The following PPEF1 variants were observed in gnomAD, a reference collection of about 807,000 sequenced individuals.
PPEF1 encodes protein phosphatase with EF-hand domain 1, also known as serine/threonine-protein phosphatase with EF-hands 1.
In PPEF1, 12 loss-of-function variants were observed where a neutral mutation model predicts 53.3. The ratio of observed to expected loss-of-function variants is 0.23; its 90% CI spans 0.14 to 0.36. PPEF1 has a LOEUF of 0.36. PPEF1 is among the 10% of genes least tolerant of loss of function. The probability of loss-of-function intolerance (pLI) is 1.00; values close to 1 mark genes in which losing one functional copy is unlikely to be tolerated. For missense variants in PPEF1, 334 were observed against 490.4 expected, an observed-to-expected ratio of 0.68 and a Z score of 3.01; for synonymous variants, 165 against 176.7, an observed-to-expected ratio of 0.93 and a Z score of 0.52.
At chrX:18,707,341 T>C (rs2044223608), upstream of PPEF1, among the ~76,000 whole-genome samples, 1 of 111,945 alleles carries the variant, frequency 8.9e-6, no homozygotes, top group Non-Finnish European at 1.9e-5. Context: ...ATTCCCCATA[T>C]TTAAATTAGA....
upstream of PPEF1, among the ~76,000 whole-genome samples, chrX:18,675,094 C>G (rs1395908657): frequency 2.7e-5 from 3 of 112,976 alleles, no homozygotes; most frequent in African/African-American, 9.6e-5. Flanking sequence ...GAGGAGTTTG[C>G]GGCGGCTTCG....
chrX:18,717,204 G>A (rs1411124635), intron 1 of PPEF1, among the ~76,000 whole-genome samples: 8 of 106,751 alleles, frequency 7.5e-5, no homozygotes, highest in East Asian at 2.9e-4. Context: ...ATAAACACCC[G>A]TTTGAAATAA....
At chrX:18,676,367 G>GC (rs1198281669) in intron 1 of PPEF1, among the ~76,000 whole-genome samples, 2 of 101,522 alleles carry the variant, frequency 2.0e-5, no homozygotes, top group East Asian at 6.1e-4. Flanking sequence ...ACACACCCCC[G>GC]CCCCCCGCCC....
chrX:18,740,050 A>G (rs924875834), intron 3 of PPEF1, among the ~76,000 whole-genome samples: 5 of 112,437 alleles, frequency 4.4e-5, no homozygotes, highest in Admixed American at 2.8e-4. Context: ...TCCCTTGGCT[A>G]GGAAAGGGAA....
intron 3 of PPEF1, among the ~76,000 whole-genome samples, chrX:18,745,124 A>G: frequency 1.1e-5 from 1 of 94,504 alleles, no homozygotes; most frequent in East Asian, 3.0e-4. Flanking sequence ...TATTATATAT[A>G]TTATATAATT....
upstream of PPEF1, among the ~76,000 whole-genome samples, chrX:18,675,586 A>G (rs116772485): frequency 9.1e-3 from 1,020 of 112,449 alleles, 7 homozygotes; most frequent in Non-Finnish European, 0.016. Flanking sequence ...AGGTCTCCTT[A>G]GTCTAGGGCT....
upstream of PPEF1, among the ~76,000 whole-genome samples, chrX:18,705,431 A>G (rs1295678686): frequency 1.8e-5 from 2 of 112,218 alleles, no homozygotes; most frequent in African/African-American, 6.5e-5. Context: ...TTTGGAAATA[A>G]AGCCAAGCAC....
intron 1 of PPEF1, among the ~76,000 whole-genome samples, chrX:18,716,511 G>A (rs183453239): frequency 2.4e-3 from 217 of 90,331 alleles, no homozygotes; most frequent in African/African-American, 8.8e-3. Context: ...CAGCCTGGGC[G>A]AGAGAGCGAG....
chrX:18,759,219 C>A (rs1250982214), intron 5 of PPEF1, among the ~76,000 whole-genome samples: 1 of 111,076 alleles, frequency 9.0e-6, no homozygotes, highest in Non-Finnish European at 1.9e-5. Flanking sequence ...AAGACAAGGC[C>A]AGTGGGTTTT....
At chrX:18,790,925 C>T (rs2046313629) in intron 10 of PPEF1, among the ~76,000 whole-genome samples, 1 of 110,758 alleles carries the variant, frequency 9.0e-6, no homozygotes, top group Non-Finnish European at 1.9e-5. Flanking sequence ...CCCGCCTCGG[C>T]CTCCCAAACT....
Position 18,806,433 on chromosome X carries a change from T to C in PPEF1, c.1282T>C (p.Tyr428His), listed in dbSNP as rs2046665341. Residue 428 changes from tyrosine (Y) to histidine (H), a missense_variant, in exon 12 of 16, where the codon TAT becomes CAT. Tyr to His is a moderately conservative substitution (Grantham distance 83). Transcript: ENST00000470157. ...GACTATATTTTCTGCTTCTAATTAT[T>C]ATGAAGAAGGCAGCAATCGAGGAGC... ...VVTIFSASNY[Y>H]EEGSNRGAYI... 8.3e-7 allele frequency: 1 copy of C among 1,206,604 alleles called. No homozygotes were observed. The highest frequency in any genetic ancestry group is 1.7e-5 in the African/African-American group (1 of 57,223).
chrX:18,779,252 G>A, intron 7 of PPEF1, 76 bp downstream of exon 7: 1 of 959,485 alleles, frequency 1.0e-6, no homozygotes, highest in Non-Finnish European at 1.4e-6. Flanking sequence ...ATTCCTAATA[G>A]AGATAGAAGT....
intron 4 of PPEF1, among the ~76,000 whole-genome samples, chrX:18,694,594 G>A (rs930809785): frequency 3.6e-5 from 4 of 111,358 alleles, no homozygotes; most frequent in Admixed American, 9.5e-5. Context: ...AAAATTAGCC[G>A]GGCATGGTGG....
chrX:18,820,019 A>G (rs977315305), intron 13 of PPEF1, among the ~76,000 whole-genome samples: 9 of 111,909 alleles, frequency 8.0e-5, no homozygotes, highest in African/African-American at 2.6e-4. Flanking sequence ...AGATTTCTCA[A>G]CAGTTGCAAA....
chrX:18,757,169 T>C (rs945860929), intron 4 of PPEF1, among the ~76,000 whole-genome samples: 7 of 111,735 alleles, frequency 6.3e-5, no homozygotes, highest in East Asian at 2.8e-4. Flanking sequence ...GGCTGCCATA[T>C]TGGACAGCAT....
intron 13 of PPEF1, among the ~76,000 whole-genome samples, chrX:18,819,454 G>A (rs145692141): frequency 0.017 from 1,849 of 111,499 alleles, 31 homozygotes; most frequent in African/African-American, 0.057. Flanking sequence ...AGATTGAGGC[G>A]GGCAGATCAC....
At chrX:18,715,020 A>T (rs1433657344) in intron 1 of PPEF1, among the ~76,000 whole-genome samples, 1 of 111,750 alleles carries the variant, frequency 8.9e-6, no homozygotes, top group Non-Finnish European at 1.9e-5. Context: ...AGAAAGCGTA[A>T]CCTACATATA....
chrX:18,782,462 T>TA, intron 8 of PPEF1, 60 bp downstream of exon 8: 1 of 944,824 alleles, frequency 1.1e-6, no homozygotes, highest in South Asian at 2.3e-5. Context: ...TAGAGAAATT[T>TA]AAAAAGAGCC....
intron 7 of PPEF1, among the ~76,000 whole-genome samples, chrX:18,780,925 G>A (rs190715649): frequency 3.0e-3 from 329 of 109,613 alleles, no homozygotes; most frequent in African/African-American, 0.01. Context: ...GCATAGTGGC[G>A]GGCGCCTGTA....
Sources: gnomAD v4.1 joint callset for allele counts (sites outside exome capture counted in the v4.1 genomes callset) on GRCh38, gnomAD v4.1.1 for gene constraint, MANE v1.5 for transcripts, NCBI Gene and HGNC (gene_info 2026-07-23, HGNC 2026-07-21) for gene names.